CACNB2: variants seen among roughly 807,000 people sequenced by gnomAD.
CACNB2 encodes calcium voltage-gated channel auxiliary subunit beta 2.
CACNB2 carries 42 observed loss-of-function variants against 73.3 expected under a neutral mutation model. The ratio of observed to expected loss-of-function variants is 0.57; its 90% CI spans 0.45 to 0.74. The LOEUF (loss-of-function observed/expected upper bound fraction) is 0.74. CACNB2 is among the 30% of genes least tolerant of loss of function. The pLI, the probability that CACNB2 is intolerant of heterozygous loss-of-function variation, is 0.00. For synonymous variants in CACNB2, 348 were observed against 310.3 expected, an observed-to-expected ratio of 1.12 and a Z score of -1.28; for missense variants, 940 against 853.0, an observed-to-expected ratio of 1.10 and a Z score of -1.27.
At chr10:18,163,108 T>G (rs2032592220) in intron 2 of CACNB2, among the ~76,000 whole-genome samples, 1 of 151,550 alleles carries the variant, frequency 6.6e-6, no homozygotes, top group Non-Finnish European at 1.5e-5. Flanking sequence ...GGTCGAAGAG[T>G]TGGAAAATCA....
intron 2 of CACNB2, among the ~76,000 whole-genome samples, chr10:18,289,292 G>GTTTTTTTT (rs1218890630): frequency 2.3e-4 from 13 of 55,610 alleles, no homozygotes; most frequent in Non-Finnish European, 3.5e-4. Flanking sequence ...TTGTTTTTTT[G>GTTTTTTTT]TTTTGTTTTT....
In CACNB2 at chr10:18,172,924, C is replaced by CTTTTTTTTTTTTTTTTTTTT. The variant is rs58345605; in HGVS notation, c.213+21964_213+21965insTTTTTTTTTTTTTTTTTTTT. Among the ~76,000 whole-genome samples, 113 of 117,442 alleles carry CTTTTTTTTTTTTTTTTTTTT rather than the reference C, an allele frequency of 9.6e-4. 5 individuals carry two copies. The highest frequency in any genetic ancestry group is 1.7e-3 in the Admixed American group (19 of 11,162). 77.0% of individuals were successfully genotyped at this position (117,442 alleles called of 152,430 possible). A position where few individuals can be genotyped will look rare whatever the true frequency, so the allele number is the denominator to read the frequency against. The stretch of plus-strand genomic sequence containing the variant: ...CTTCAAATAGGGAAAATAATAAGGC[C>CTTTTTTTTTTTTTTTTTTTT]TTTTTTTTTTTTTTTAAATGGAGTT... On this transcript the variant is annotated intron_variant, in intron 2 of 13. Coordinates refer to ENST00000324631, the MANE Select transcript of CACNB2 (RefSeq NM_201596.3).
At chr10:18,371,772 C>T (rs976797911) in intron 2 of CACNB2, among the ~76,000 whole-genome samples, 1 of 152,182 alleles carries the variant, frequency 6.6e-6, no homozygotes. Flanking sequence ...CCTGAGGAAT[C>T]ACCACGCTGA....
intron 2 of CACNB2, among the ~76,000 whole-genome samples, chr10:18,175,716 G>C (rs971372840): frequency 6.6e-6 from 1 of 152,134 alleles, no homozygotes; most frequent in African/African-American, 2.4e-5. Flanking sequence ...TCCTGCCTCA[G>C]CCTCCTGAAT....
At chr10:18,307,382 A>G (rs2039774363) in intron 2 of CACNB2, among the ~76,000 whole-genome samples, 1 of 152,198 alleles carries the variant, frequency 6.6e-6, no homozygotes, top group Non-Finnish European at 1.5e-5. Flanking sequence ...GAATCACTTG[A>G]ACCTGAAAGG....
chr10:18,140,448 C>T lies in CACNB2; in HGVS notation c.-289C>T, dbSNP rs1358644403. Among the ~76,000 whole-genome samples the T allele has an allele frequency of 6.6e-6, 1 of 151,966 alleles. No individual in the cohort carries two copies. Among genetic ancestry groups the T allele is most frequent in the East Asian group, 1.9e-4 (1 of 5,152 alleles). ...CGCCGCGCTGCGCCCGCTCTCCCGG[C>T]CCCGGCTGCCCCGCTGAGGGCTCCC... On this transcript the variant is annotated 5_prime_UTR_variant, in exon 1 of 14. Coordinates refer to ENST00000324631, the MANE Select transcript of CACNB2 (RefSeq NM_201596.3).
intron 3 of CACNB2, among the ~76,000 whole-genome samples, chr10:18,411,610 G>A (rs1472689178): frequency 2.0e-5 from 3 of 148,886 alleles, no homozygotes; most frequent in Non-Finnish European, 4.4e-5. Context: ...CTGGGTTCAA[G>A]CAATTCTCCT....
chr10:18,144,778 G>T (rs1004993864), intron 1 of CACNB2, among the ~76,000 whole-genome samples: 6 of 152,194 alleles, frequency 3.9e-5, no homozygotes, highest in African/African-American at 1.4e-4. Context: ...TTAAACAAAT[G>T]CATTGTTACA....
chr10:18,524,874 A>T (rs2052309311), intron 9 of CACNB2, among the ~76,000 whole-genome samples: 1 of 150,152 alleles, frequency 6.7e-6, no homozygotes, highest in African/African-American at 2.4e-5. Flanking sequence ...AAAAAAAAAA[A>T]AAAAAATTAG....
At chr10:18,232,228 T>C (rs1385858808) in intron 2 of CACNB2, among the ~76,000 whole-genome samples, 1 of 152,226 alleles carries the variant, frequency 6.6e-6, no homozygotes, top group Non-Finnish European at 1.5e-5. Flanking sequence ...CATGGCACTT[T>C]ATATGTAATC....
intron 2 of CACNB2, among the ~76,000 whole-genome samples, chr10:18,362,527 G>T (rs1240476846): frequency 2.0e-5 from 3 of 152,138 alleles, no homozygotes; most frequent in African/African-American, 4.8e-5. Context: ...CACCATAGGT[G>T]AATTGACTTA....
intron 2 of CACNB2, among the ~76,000 whole-genome samples, chr10:18,356,450 A>G (rs1233008950): frequency 1.3e-5 from 2 of 151,976 alleles, no homozygotes; most frequent in Non-Finnish European, 2.9e-5. Context: ...TAAACCTGGA[A>G]TATTCCTCCC....
rs200571859 is a variant in CACNB2, at chr10:18,163,346, TA to T, written c.213+12372del. ...TGTAGTATTTATTATATCAAATTGGTATTACTCTTGGGAATGTTTACGTGTT... is the reference window on the plus strand; with the variant it reads ...TGTAGTATTTATTATATCAAATTGGTTTACTCTTGGGAATGTTTACGTGTT... On this transcript the variant is annotated intron_variant, in intron 2 of 13. Transcript: ENST00000324631. Among the ~76,000 whole-genome samples the T allele has an allele frequency of 3.7e-3, 425 of 115,712 alleles. 3 individuals carry two copies. Among genetic ancestry groups the T allele is most frequent in the African/African-American group, 0.015 (407 of 28,040 alleles). 75.9% of individuals were successfully genotyped at this position (115,712 alleles called of 152,430 possible).
chr10:18,453,244 C>G (rs1400433033), intron 3 of CACNB2, among the ~76,000 whole-genome samples: 2 of 152,216 alleles, frequency 1.3e-5, no homozygotes, highest in Non-Finnish European at 2.9e-5. Flanking sequence ...TGGATCCTGT[C>G]TCTGTCCTAC....
At chr10:18,215,428 T>C (rs2035473698) in intron 2 of CACNB2, among the ~76,000 whole-genome samples, 1 of 152,180 alleles carries the variant, frequency 6.6e-6, no homozygotes, top group Non-Finnish European at 1.5e-5. Flanking sequence ...GGGGCATTTC[T>C]GGGACCAATC....
At chr10:18,328,925 T>C (rs1016322230) in intron 2 of CACNB2, among the ~76,000 whole-genome samples, 3 of 152,192 alleles carry the variant, frequency 2.0e-5, no homozygotes, top group African/African-American at 7.2e-5. Flanking sequence ...TATCCAGTTT[T>C]TCATTTGATA....
intron 3 of CACNB2, among the ~76,000 whole-genome samples, chr10:18,479,194 A>G (rs2048592644): frequency 6.6e-6 from 1 of 152,172 alleles, no homozygotes; most frequent in South Asian, 2.1e-4. Context: ...CTGTATACGT[A>G]TATCTGTATT....
At chr10:18,492,933 T>C (rs2049541365) in intron 3 of CACNB2, among the ~76,000 whole-genome samples, 1 of 152,160 alleles carries the variant, frequency 6.6e-6, no homozygotes, top group Admixed American at 6.5e-5. Context: ...CAAATGCCTA[T>C]TAATAAGCAC....
chr10:18,442,990 ATATATATGTG>A lies in CACNB2; in HGVS notation c.333+40955_333+40964del, dbSNP rs1453664850. On this transcript the variant is annotated intron_variant, in intron 3 of 13. Coordinates refer to ENST00000324631, the MANE Select transcript of CACNB2 (RefSeq NM_201596.3). ...TATATGTGTATATATATATATGTAT[ATATATATGTG>A]TATATATATATATGTATATATATAT... 9.2e-4 allele frequency among the ~76,000 whole-genome samples: 16 copies of A among 17,396 alleles called. 3 individuals carry two copies. The highest frequency in any genetic ancestry group is 3.0e-3 in the East Asian group (1 of 334). The allele number at this position is 17,396 out of a possible 152,430, so 11.4% of individuals were successfully genotyped here.
Sources: gnomAD v4.1 joint callset for allele counts (sites outside exome capture counted in the v4.1 genomes callset) on GRCh38, gnomAD v4.1.1 for gene constraint, MANE v1.5 for transcripts, NCBI Gene and HGNC (gene_info 2026-07-23, HGNC 2026-07-21) for gene names.